The following SAP130 variants were observed in gnomAD, a reference collection of about 807,000 sequenced individuals.
The protein encoded by SAP130 is histone deacetylase complex subunit SAP130.
Under a neutral mutation model 103.2 loss-of-function variants are expected in SAP130, and 16 were observed. The observed-to-expected ratio is 0.16, with a 90% CI of 0.10 to 0.24. The LOEUF (loss-of-function observed/expected upper bound fraction) is 0.24. Among genes scored for constraint, SAP130 ranks in the 10% least tolerant of loss-of-function variants. The pLI is 1.00. For missense variants in SAP130, 990 were observed against 1,359.7 expected (o/e 0.73, Z 4.28); for synonymous variants, 477 against 497.0 (o/e 0.96, Z 0.53).
In SAP130 at chr2:128,018,368, C is replaced by T. The variant is rs115147634; in HGVS notation, c.113-453G>A. On this transcript the variant is annotated intron_variant, in intron 2 of 20. Transcript: ENST00000643581. The stretch of plus-strand genomic sequence containing the variant: ...CCAAAAACCACGTTTTTTTGTAATC[C>T]CAGCTACTTGGGAGGCTAAGGTGGG... 8.1e-3 allele frequency among the ~76,000 whole-genome samples: 1,209 copies of T among 148,840 alleles called. 6 individuals are homozygous for T. The highest frequency in any genetic ancestry group is 0.012 in the Non-Finnish European group (823 of 67,438).
intron 5 of SAP130, among the ~76,000 whole-genome samples, chr2:128,014,147 G>A (rs1684594259): frequency 6.6e-6 from 1 of 152,078 alleles, no homozygotes; most frequent in Non-Finnish European, 1.5e-5. Context: ...ATACACACTT[G>A]TAATACAACT....
chr2:127,974,965 G>A (rs1456223646), intron 15 of SAP130, among the ~76,000 whole-genome samples: 1 of 152,108 alleles, frequency 6.6e-6, no homozygotes, highest in African/African-American at 2.4e-5. Context: ...GTATGCAGTA[G>A]GCCATCCCAT....
rs763104740 is a variant in SAP130, at chr2:127,986,776, T to G, written c.1958+9A>C. 31 of 1,612,374 alleles carry G rather than the reference T, an allele frequency of 1.9e-5. No individual in the cohort carries two copies. Among genetic ancestry groups the G allele is most frequent in the Middle Eastern group, 1.7e-4 (1 of 5,808 alleles). On this transcript the variant is annotated intron_variant, in intron 14 of 20. Coordinates refer to ENST00000643581, the MANE Select transcript of SAP130 (RefSeq NM_001330301.2). This position sits in a 1 kb window ranked among gnomAD's most constrained non-coding sequence, Gnocchi z 4.7. ...AGAGGTGTCATTCGGCACTACCAGG[T>G]CTACTCACCCATCTGTGGCAGGTTT...
At chr2:127,992,983 C>T (rs1682917620) in intron 12 of SAP130, among the ~76,000 whole-genome samples, 1 of 152,126 alleles carries the variant, frequency 6.6e-6, no homozygotes. Context: ...TGGCATAATA[C>T]TATGCAAATA....
intron 18 of SAP130, among the ~76,000 whole-genome samples, chr2:127,948,852 A>G (rs1226195747): frequency 6.6e-6 from 1 of 152,166 alleles, no homozygotes; most frequent in African/African-American, 2.4e-5. Context: ...GCGAGTCCCA[A>G]TAAGCATTTA....
chr2:128,017,316 C>T (rs1012339837), intron 3 of SAP130, among the ~76,000 whole-genome samples: 46 of 151,960 alleles, frequency 3.0e-4, no homozygotes, highest in Non-Finnish European at 1.9e-4. Context: ...AGAAAGACTC[C>T]GTCTCAAATA....
rs1230574444 is a variant in SAP130 at position 127,950,490 on chromosome 2, G to A, written c.2423-82C>T. On this transcript the variant is annotated intron_variant, in intron 16 of 20. Transcript: ENST00000643581. Reference sequence around the variant, plus strand: ...TCACTTCCTTCCTTCCAACAAAGATGATTAAGAAGACAGCACAGAGCACCA... The same window carrying A: ...TCACTTCCTTCCTTCCAACAAAGATAATTAAGAAGACAGCACAGAGCACCA... 2.7e-6 allele frequency: 4 copies of A among 1,467,546 alleles called. No individual in the cohort carries two copies. The South Asian group carries it at 3.7e-5, about 14-fold the overall frequency. 90.9% of individuals were successfully genotyped at this position (1,467,546 alleles called of 1,614,324 possible).
At chr2:128,013,852 C>T (rs551726979) in intron 5 of SAP130, among the ~76,000 whole-genome samples, 49 of 152,300 alleles carry the variant, frequency 3.2e-4, no homozygotes, top group Non-Finnish European at 5.4e-4. Flanking sequence ...ATCGCTTGTG[C>T]CCCAGAAATC....
At chr2:127,947,767 T>TGA (rs1559028770) in intron 18 of SAP130, among the ~76,000 whole-genome samples, 7 of 147,142 alleles carry the variant, frequency 4.8e-5, no homozygotes, top group African/African-American at 1.9e-4. Flanking sequence ...TGTGTGTCTG[T>TGA]GTGTGTGTGT....
chr2:127,949,469 C>T (rs535168664), intron 18 of SAP130, among the ~76,000 whole-genome samples: 4 of 152,160 alleles, frequency 2.6e-5, no homozygotes, highest in Non-Finnish European at 5.9e-5. Context: ...GAAATGCTTA[C>T]AATGCATGCG....
intron 2 of SAP130, among the ~76,000 whole-genome samples, chr2:128,021,166 T>TG (rs769327121): frequency 6.6e-6 from 1 of 150,952 alleles, no homozygotes; most frequent in Non-Finnish European, 1.5e-5. Flanking sequence ...AAGAGTGATG[T>TG]GGCCGGGCGT....
intron 7 of SAP130, among the ~76,000 whole-genome samples, chr2:128,009,239 A>T (rs1028964912): frequency 2.0e-5 from 3 of 152,028 alleles, no homozygotes; most frequent in African/African-American, 7.2e-5. Flanking sequence ...ACTTAGGGCG[A>T]TGCGAGGATC....
intron 7 of SAP130, among the ~76,000 whole-genome samples, chr2:128,009,058 T>C (rs1684195078): frequency 6.6e-6 from 1 of 152,116 alleles, no homozygotes; most frequent in African/African-American, 2.4e-5. Context: ...TCCACCCTGT[T>C]AGGTATACAG....
chr2:127,998,474 T>C (rs972610125), intron 10 of SAP130, among the ~76,000 whole-genome samples: 5 of 152,374 alleles, frequency 3.3e-5, no homozygotes, highest in Admixed American at 1.3e-4. Flanking sequence ...TTAATATGTA[T>C]GTTTTACTTC....
intron 15 of SAP130, among the ~76,000 whole-genome samples, chr2:127,963,655 C>T (rs986316255): frequency 1.3e-5 from 2 of 152,162 alleles, no homozygotes; most frequent in East Asian, 1.9e-4. Context: ...CTATGTGTTA[C>T]GAGAGGGACC....
rs1167597527 is a variant in SAP130, at chr2:127,955,248, A to C, written c.2160T>G (p.Ile720Met). 8 of 1,613,990 alleles carry C rather than the reference A, an allele frequency of 5.0e-6. No homozygotes were observed. Among genetic ancestry groups the C allele is most frequent in the Non-Finnish European group, 5.9e-6 (7 of 1,180,000 alleles). Reference sequence around the variant, plus strand: ...GCTGCTGGGCAGTTGGAGGGACGGCAATGGTAGGCTGATCATTATTTTGAT... The same window carrying C: ...GCTGCTGGGCAGTTGGAGGGACGGCCATGGTAGGCTGATCATTATTTTGAT... ...VSNQNNDQPT[I>M]AVPPTAQQPP... Residue 720 changes from isoleucine (I) to methionine (M), a missense_variant, in exon 16 of 21, where the codon ATT becomes ATG. Ile to Met is a conservative substitution (Grantham distance 10, BLOSUM62 1). Transcript: ENST00000643581. This position sits in a 1 kb window ranked among gnomAD's most constrained non-coding sequence, Gnocchi z 4.9.
intron 7 of SAP130, among the ~76,000 whole-genome samples, chr2:128,005,272 C>G (rs149620468): frequency 1.3e-4 from 20 of 151,970 alleles, no homozygotes; most frequent in African/African-American, 4.8e-4. Flanking sequence ...CAGTCAAGGG[C>G]GGAGAAGAGT....
intron 18 of SAP130, among the ~76,000 whole-genome samples, chr2:127,946,101 G>A (rs1014421367): frequency 1.3e-5 from 2 of 152,148 alleles, no homozygotes; most frequent in African/African-American, 4.8e-5. Context: ...CACGTGTCAA[G>A]CCAGGGCCTC....
At chr2:127,975,192 T>C (rs1681371203) in intron 15 of SAP130, among the ~76,000 whole-genome samples, 1 of 152,186 alleles carries the variant, frequency 6.6e-6, no homozygotes, top group Non-Finnish European at 1.5e-5. Flanking sequence ...GCATAAACAG[T>C]TCATAAAGAA....
Sources: gnomAD v4.1 joint callset for allele counts (sites outside exome capture counted in the v4.1 genomes callset) on GRCh38, gnomAD v4.1.1 for gene constraint, Gnocchi (gnomAD v3.1) non-coding constraint, MANE v1.5 for transcripts, NCBI Gene and HGNC (gene_info 2026-07-23, HGNC 2026-07-21) for gene names.